The following GPATCH2 variants were observed in gnomAD, a reference collection of about 807,000 sequenced individuals.
The protein encoded by GPATCH2 is G patch domain-containing protein 2.
In GPATCH2, 51 loss-of-function variants were observed where a neutral mutation model predicts 58.0. The observed-to-expected ratio is 0.88, with a 90% CI of 0.70 to 1.11. GPATCH2 has a LOEUF of 1.11. Ranked by LOEUF, GPATCH2 falls within the 50% of genes most tolerant of loss-of-function variation. GPATCH2 has a pLI of 0.00. For missense variants in GPATCH2, 625 were observed against 652.2 expected, an observed-to-expected ratio of 0.96 and a Z score of 0.45; for synonymous variants, 222 against 218.5, an observed-to-expected ratio of 1.02 and a Z score of -0.14.
intron 9 of GPATCH2, among the ~76,000 whole-genome samples, chr1:217,434,214 T>C (rs1658701862): frequency 6.6e-6 from 1 of 152,212 alleles, no homozygotes; most frequent in African/African-American, 2.4e-5. Flanking sequence ...CTAAAATTAT[T>C]GACCACTTGA....
At chr1:217,502,237 C>G (rs1236044705) in intron 6 of GPATCH2, among the ~76,000 whole-genome samples, 1 of 151,888 alleles carries the variant, frequency 6.6e-6, no homozygotes, top group African/African-American at 2.4e-5. Flanking sequence ...TTAAAATAAT[C>G]TTTGCTATAT....
chr1:217,524,707 GAAA>G (rs1663733104), intron 5 of GPATCH2, among the ~76,000 whole-genome samples: 1 of 151,084 alleles, frequency 6.6e-6, no homozygotes, highest in African/African-American at 2.4e-5. Context: ...CAAAAAATAC[GAAA>G]ACCAGTCAGG....
chr1:217,585,584 C>A (rs999203949), intron 5 of GPATCH2, among the ~76,000 whole-genome samples: 1 of 152,174 alleles, frequency 6.6e-6, no homozygotes, highest in African/African-American at 2.4e-5. Context: ...CACGCCACTG[C>A]ACTCCAGCCT....
chr1:217,495,379 A>G (rs1016992929), intron 7 of GPATCH2, among the ~76,000 whole-genome samples: 2 of 152,174 alleles, frequency 1.3e-5, no homozygotes, highest in African/African-American at 2.4e-5. Context: ...GAGTGCTTCT[A>G]TTGGCAGCCA....
intron 5 of GPATCH2, among the ~76,000 whole-genome samples, chr1:217,600,695 T>G (rs1385167816): frequency 6.6e-6 from 1 of 152,124 alleles, no homozygotes; most frequent in Admixed American, 6.6e-5. Context: ...TAATGGGGAC[T>G]ATGGCAATGT....
rs1354835879 is a variant in GPATCH2 at position 217,523,604 on chromosome 1, T to C, written c.1099-8715A>G. 3.3e-5 allele frequency among the ~76,000 whole-genome samples: 5 copies of C among 151,872 alleles called. No individual in the cohort carries two copies. In the East Asian group the frequency reaches 9.7e-4, roughly 29 times the overall value. ...ACACAGACACGACAACCATCCGATTTCTCAATCTTTTCCCCACCTTTCCCC... is the reference window on the plus strand; with the variant it reads ...ACACAGACACGACAACCATCCGATTCCTCAATCTTTTCCCCACCTTTCCCC... On this transcript the variant is annotated intron_variant, in intron 5 of 9. Coordinates refer to ENST00000366935, the MANE Select transcript of GPATCH2 (RefSeq NM_018040.5).
chr1:217,431,128 TTTC>T lies in GPATCH2; in HGVS notation c.*14_*16del, dbSNP rs755785877. 2.6e-6 allele frequency: 3 copies of T among 1,175,232 alleles called. No homozygotes were observed. The highest frequency in any genetic ancestry group is 3.0e-5 in the African/African-American group (2 of 66,556). The allele number at this position is 1,175,232 out of a possible 1,614,324, so 72.8% of individuals were successfully genotyped here. On this transcript the variant is annotated 3_prime_UTR_variant, in exon 10 of 10. Coordinates refer to ENST00000366935, the MANE Select transcript of GPATCH2 (RefSeq NM_018040.5). ...CATAGTGAATAAAGTCTGTAAAACA[TTTC>T]TTCTTTGCTTTTCTTAGGCGGATTT...
intron 5 of GPATCH2, among the ~76,000 whole-genome samples, chr1:217,567,145 C>T (rs1373739735): frequency 6.7e-6 from 1 of 149,264 alleles, no homozygotes; most frequent in Non-Finnish European, 1.5e-5. Flanking sequence ...CTCCTAGGTT[C>T]AAGTGATTCT....
intron 1 of GPATCH2, among the ~76,000 whole-genome samples, chr1:217,627,000 G>T (rs1297603188): frequency 6.6e-6 from 1 of 151,758 alleles, no homozygotes; most frequent in East Asian, 1.9e-4. Flanking sequence ...AAAAAAGGCT[G>T]GGAGAAAACT....
chr1:217,500,210 T>C (rs1474211683), intron 6 of GPATCH2, among the ~76,000 whole-genome samples: 1 of 152,130 alleles, frequency 6.6e-6, no homozygotes, highest in East Asian at 1.9e-4. Flanking sequence ...CAGCCTGTCT[T>C]TATTACATTC....
At chr1:217,463,882 C>G (rs181475996) in intron 8 of GPATCH2, among the ~76,000 whole-genome samples, 2 of 152,128 alleles carry the variant, frequency 1.3e-5, no homozygotes, top group Admixed American at 1.3e-4. Flanking sequence ...TTTTTCTGGC[C>G]AGAATGTAAG....
intron 5 of GPATCH2, among the ~76,000 whole-genome samples, chr1:217,589,870 A>G (rs1393751767): frequency 6.6e-6 from 1 of 152,168 alleles, no homozygotes; most frequent in Non-Finnish European, 1.5e-5. Context: ...CTTTACAGTA[A>G]AATGCCTGAA....
At chr1:217,535,535 T>C (rs778773728) in intron 5 of GPATCH2, among the ~76,000 whole-genome samples, 3 of 152,162 alleles carry the variant, frequency 2.0e-5, no homozygotes, top group Non-Finnish European at 4.4e-5. Context: ...ATATTTTTAG[T>C]AGAGACGGGG....
intron 5 of GPATCH2, among the ~76,000 whole-genome samples, chr1:217,557,409 CAA>C (rs772777496): frequency 0.091 from 5,666 of 62,042 alleles, 110 homozygotes; most frequent in African/African-American, 0.12. Flanking sequence ...AACCCCATCT[CAA>C]AAAAAAAAAA....
At chr1:217,531,730 C>T (rs967501225) in intron 5 of GPATCH2, among the ~76,000 whole-genome samples, 3 of 151,926 alleles carry the variant, frequency 2.0e-5, no homozygotes, top group African/African-American at 7.3e-5. Context: ...AAAAAGAATA[C>T]AAGAAAAAAG....
rs951991192 is a variant in GPATCH2 at position 217,429,883 on chromosome 1, T to A, written c.*1262A>T. On this transcript the variant is annotated 3_prime_UTR_variant, in exon 10 of 10. Coordinates refer to ENST00000366935, the MANE Select transcript of GPATCH2 (RefSeq NM_018040.5). ...ACTCTTTTGGAAAGTGACAAGATTT[T>A]AAAAACCCATTAGAAAGGTGATTCA... The A allele has an allele frequency of 6.6e-6, 1 of 151,154 alleles. No individual in the cohort carries two copies. Among genetic ancestry groups the A allele is most frequent in the Non-Finnish European group, 1.5e-5 (1 of 67,852 alleles). 9.4% of individuals were successfully genotyped at this position (151,154 alleles called of 1,614,324 possible).
Position 217,623,783 on chromosome 1 carries a change from T to C in GPATCH2, c.57-3284A>G, listed in dbSNP as rs557750196. On this transcript the variant is annotated intron_variant, in intron 1 of 9. Transcript: ENST00000366935. ...CTGGCGTGCTGGTGGGTGCCTGTAA[T>C]CCTAGCGACTCGGGAGGCTGAGGCA... Among the ~76,000 whole-genome samples, 49 of 152,048 alleles carry C rather than the reference T, an allele frequency of 3.2e-4. 1 individual carries two copies. Among genetic ancestry groups the C allele is most frequent in the African/African-American group, 1.0e-3 (42 of 41,480 alleles).
chr1:217,468,766 G>C (rs776250731), intron 8 of GPATCH2, among the ~76,000 whole-genome samples: 2 of 151,490 alleles, frequency 1.3e-5, no homozygotes, highest in Non-Finnish European at 2.9e-5. Context: ...TTAAGAAGCT[G>C]TTACCTTTTA....
chr1:217,461,602 G>A (rs1174595819), intron 8 of GPATCH2, among the ~76,000 whole-genome samples: 3 of 152,046 alleles, frequency 2.0e-5, no homozygotes, highest in Non-Finnish European at 2.9e-5. Context: ...CTGTTTTCAT[G>A]TTAACCAGTC....
Sources: allele counts gnomAD v4.1 joint callset (sites outside exome capture counted in the v4.1 genomes callset), GRCh38; gene constraint gnomAD v4.1.1; transcripts MANE v1.5; gene names NCBI Gene and HGNC (gene_info 2026-07-23, HGNC 2026-07-21).